The following GRM7 variants were observed in gnomAD, a reference collection of about 807,000 sequenced individuals.
GRM7 encodes the protein metabotropic glutamate receptor 7.
Under a neutral mutation model 84.5 loss-of-function variants are expected in GRM7, and 35 were observed. That is an observed-to-expected ratio of 0.41 (90% CI 0.32 to 0.55). GRM7 has a LOEUF of 0.55. Ranked by LOEUF, GRM7 falls within the 20% of genes least tolerant of loss-of-function variation. GRM7 has a pLI of 0.19. For missense variants in GRM7, 1,003 were observed against 1,194.6 expected, an observed-to-expected ratio of 0.84 and a Z score of 2.36; for synonymous variants, 487 against 455.1, an observed-to-expected ratio of 1.07 and a Z score of -0.89.
At chr3:6,881,921 T>TG (rs1695526457) in intron 1 of GRM7, among the ~76,000 whole-genome samples, 4 of 144,612 alleles carry the variant, frequency 2.8e-5, no homozygotes, top group African/African-American at 5.1e-5. Context: ...GGCAATTGAA[T>TG]TGTGTGTGTG....
intron 1 of GRM7, among the ~76,000 whole-genome samples, chr3:7,099,491 ACG>A (rs1209040524): frequency 3.4e-5 from 5 of 145,762 alleles, no homozygotes; most frequent in South Asian, 2.1e-4. Context: ...GTATATGTAC[ACG>A]CATTATACAT....
chr3:7,706,614 G>A (rs1250911319), intron 9 of GRM7, among the ~76,000 whole-genome samples: 1 of 152,166 alleles, frequency 6.6e-6, no homozygotes, highest in African/African-American at 2.4e-5. Context: ...AGTGTCAAAT[G>A]TGGAGTCCTG....
chr3:7,464,421 G>A (rs1698377008), intron 7 of GRM7, among the ~76,000 whole-genome samples: 1 of 152,132 alleles, frequency 6.6e-6, no homozygotes, highest in Non-Finnish European at 1.5e-5. Flanking sequence ...TCAGACAACA[G>A]TTGTGAATCA....
intron 4 of GRM7, among the ~76,000 whole-genome samples, chr3:7,312,282 G>A (rs1000120439): frequency 1.3e-5 from 2 of 152,108 alleles, no homozygotes; most frequent in Admixed American, 6.6e-5. Flanking sequence ...ATGCAAAGGA[G>A]GGGCTTCCAG....
At chr3:7,203,414 A>T (rs1696131064) in intron 2 of GRM7, among the ~76,000 whole-genome samples, 1 of 152,262 alleles carries the variant, frequency 6.6e-6, no homozygotes, top group Middle Eastern at 3.4e-3. Context: ...GCTGAATAGT[A>T]TTCCATATCG....
intron 7 of GRM7, among the ~76,000 whole-genome samples, chr3:7,576,856 T>C (rs1035155050): frequency 6.6e-6 from 1 of 152,190 alleles, no homozygotes; most frequent in Non-Finnish European, 1.5e-5. Context: ...GTATTAACAA[T>C]AAACTTCAAA....
At chr3:7,030,827 T>C (rs1574810909) in intron 1 of GRM7, among the ~76,000 whole-genome samples, 1 of 152,230 alleles carries the variant, frequency 6.6e-6, no homozygotes, top group Non-Finnish European at 1.5e-5. Context: ...GAATAATTAA[T>C]ATGTCTGCCA....
chr3:7,236,414 T>A (rs1697349284), intron 2 of GRM7, among the ~76,000 whole-genome samples: 1 of 152,176 alleles, frequency 6.6e-6, no homozygotes, highest in Admixed American at 6.5e-5. Context: ...TTGGTTATGG[T>A]CCTAATTTTA....
At chr3:7,391,778 G>T (rs1201302116) in intron 4 of GRM7, among the ~76,000 whole-genome samples, 1 of 151,338 alleles carries the variant, frequency 6.6e-6, no homozygotes, top group Non-Finnish European at 1.5e-5. Flanking sequence ...AAAAACAAGA[G>T]CTGGCAGGTA....
At chr3:7,377,859 T>C (rs1176261833) in intron 4 of GRM7, among the ~76,000 whole-genome samples, 1 of 152,210 alleles carries the variant, frequency 6.6e-6, no homozygotes, top group African/African-American at 2.4e-5. Flanking sequence ...TATTGGAGGT[T>C]ACCACTTAGT....
At chr3:7,061,671 G>A (rs1697437872) in intron 1 of GRM7, among the ~76,000 whole-genome samples, 1 of 151,694 alleles carries the variant, frequency 6.6e-6, no homozygotes, top group Admixed American at 6.6e-5. Context: ...CACTTGACCT[G>A]GGTACCAGAT....
At chr3:7,315,806 A>G (rs1351156309) in intron 4 of GRM7, among the ~76,000 whole-genome samples, 1 of 152,128 alleles carries the variant, frequency 6.6e-6, no homozygotes, top group Non-Finnish European at 1.5e-5. Context: ...TTGAGTTTTC[A>G]GCATTCTGAC....
At position 7,737,279 on chromosome 3, in the gene GRM7, C is replaced by G. The variant is rs143451961; in HGVS notation, c.2699-3078C>G. Among the ~76,000 whole-genome samples the G allele has an allele frequency of 9.7e-4, 147 of 152,174 alleles. 1 individual carries two copies. The highest frequency in any genetic ancestry group is 3.4e-3 in the African/African-American group (143 of 41,522). ...CATAAACCAGTATTCTTAACACTAC[C>G]TCACTGTAAACATTGACTCTTCAGG... is the stretch of plus-strand genomic sequence containing the variant. On this transcript the variant is annotated intron_variant, in intron 9 of 9. Transcript: ENST00000357716.
chr3:7,498,127 A>T (rs537170887), intron 7 of GRM7, among the ~76,000 whole-genome samples: 1 of 152,328 alleles, frequency 6.6e-6, no homozygotes, highest in South Asian at 2.1e-4. Flanking sequence ...GGGGTTCTAT[A>T]GCTTGCTCAG....
intron 9 of GRM7, among the ~76,000 whole-genome samples, chr3:7,720,482 G>A (rs1701907763): frequency 6.6e-6 from 1 of 152,160 alleles, no homozygotes; most frequent in African/African-American, 2.4e-5. Flanking sequence ...AGGTGATGTT[G>A]AATAGTGGAA....
At chr3:7,610,089 A>G (rs1015298262) in intron 8 of GRM7, among the ~76,000 whole-genome samples, 2 of 152,180 alleles carry the variant, frequency 1.3e-5, no homozygotes, top group African/African-American at 4.8e-5. Context: ...TCATTCAACA[A>G]GTACTTTTGA....
At chr3:7,196,100 G>A (rs542918480) in intron 2 of GRM7, among the ~76,000 whole-genome samples, 1 of 152,086 alleles carries the variant, frequency 6.6e-6, no homozygotes. Context: ...GCACTGTGGA[G>A]ACTAACAAGT....
In GRM7 at chr3:6,910,820, A is replaced by G. The variant is rs902401840; in HGVS notation, c.519+48913A>G. Among the ~76,000 whole-genome samples the G allele has an allele frequency of 2.0e-5, 3 of 152,178 alleles. No homozygotes were observed. The East Asian group carries it at 5.8e-4, about 29-fold the overall frequency. On this transcript the variant is annotated intron_variant, in intron 1 of 9. Coordinates refer to ENST00000357716, the MANE Select transcript of GRM7 (RefSeq NM_000844.4). The stretch of plus-strand genomic sequence containing the variant: ...TGGGTAATCTGTGACAAAGAAGAGC[A>G]ATGTTTGCAGATGGTGACAAGTGAA...
intron 2 of GRM7, among the ~76,000 whole-genome samples, chr3:7,270,634 T>C (rs1328302449): frequency 6.6e-6 from 1 of 152,206 alleles, no homozygotes; most frequent in Non-Finnish European, 1.5e-5. Context: ...AAAGTGTAGT[T>C]TGAAGACCAG....
Sources: gnomAD v4.1 joint callset for allele counts (sites outside exome capture counted in the v4.1 genomes callset) on GRCh38, gnomAD v4.1.1 for gene constraint, MANE v1.5 for transcripts, NCBI Gene and HGNC (gene_info 2026-07-23, HGNC 2026-07-21) for gene names.